Variants in DPYD observed in about 807,000 individuals in gnomAD.
DPYD encodes dihydropyrimidine dehydrogenase [NADP(+)].
A neutral mutation model predicts 116.2 loss-of-function variants in DPYD; 109 were observed. The ratio of observed to expected loss-of-function variants is 0.94; its 90% CI spans 0.80 to 1.10. The LOEUF (loss-of-function observed/expected upper bound fraction) is 1.10, where lower values mean the gene tolerates loss of function less well. Ranked by LOEUF, DPYD falls within the 50% of genes least tolerant of loss-of-function variation. DPYD has a pLI of 0.00. For missense variants in DPYD, 1,302 were observed against 1,254.5 expected, an observed-to-expected ratio of 1.04 and a Z score of -0.57; for synonymous variants, 440 against 432.0, an observed-to-expected ratio of 1.02 and a Z score of -0.23.
At chr1:97,868,256 A>G (rs1316725303) in intron 2 of DPYD, among the ~76,000 whole-genome samples, 2 of 151,766 alleles carry the variant, frequency 1.3e-5, no homozygotes, top group African/African-American at 4.8e-5. Context: ...TCAGAATCTA[A>G]ATGGAGTCAA....
chr1:97,382,415 G>T lies in DPYD; in HGVS notation c.1952C>A (p.Thr651Lys). 1 of 1,597,684 alleles carries T rather than the reference G, an allele frequency of 6.3e-7. No individual in the cohort carries two copies. Among genetic ancestry groups the T allele is most frequent in the Non-Finnish European group, 8.5e-7 (1 of 1,171,580 alleles). Residue 651 changes from threonine to lysine, a missense_variant, in exon 15 of 23, where the codon ACG becomes AAG. Physicochemically the swap from Thr to Lys is moderately conservative, Grantham distance 78. Transcript: ENST00000370192. The part of the protein sequence containing the change: ...IMCSYNKNDW[T>K]ELAKKSEDSG... ...TACCTCAGACTTCTTGGCAAGTTCC[G>T]TCCAGTCATTTTTATTGTAACTGCA...
intron 11 of DPYD, among the ~76,000 whole-genome samples, chr1:97,567,093 T>TA (rs1652571547): frequency 6.6e-6 from 1 of 152,028 alleles, no homozygotes; most frequent in Non-Finnish European, 1.5e-5. Context: ...TTTTGCATCG[T>TA]AAGAATCTTA....
At chr1:97,240,031 C>G (rs1430186129) in intron 18 of DPYD, among the ~76,000 whole-genome samples, 1 of 151,982 alleles carries the variant, frequency 6.6e-6, no homozygotes, top group Non-Finnish European at 1.5e-5. Flanking sequence ...TTTAGTGATG[C>G]AATTAAAACC....
intron 8 of DPYD, among the ~76,000 whole-genome samples, chr1:97,647,587 A>G (rs1027588150): frequency 3.9e-5 from 6 of 152,004 alleles, no homozygotes; most frequent in African/African-American, 1.4e-4. Flanking sequence ...ATAATAAAAT[A>G]ATATTGAGCA....
intron 15 of DPYD, among the ~76,000 whole-genome samples, chr1:97,380,951 G>A (rs1671922091): frequency 6.6e-6 from 1 of 152,090 alleles, no homozygotes; most frequent in Non-Finnish European, 1.5e-5. Flanking sequence ...AAGCTGTGAA[G>A]GCCTGCGGGA....
chr1:97,729,379 C>T (rs1484060863), intron 4 of DPYD, among the ~76,000 whole-genome samples: 1 of 152,056 alleles, frequency 6.6e-6, no homozygotes, highest in East Asian at 1.9e-4. Flanking sequence ...TTATATTATG[C>T]ATTTTTTAAC....
In DPYD at chr1:97,397,362, C is replaced by G. The variant is rs1400024548; in HGVS notation, c.1906-14901G>C. Among the ~76,000 whole-genome samples the G allele has an allele frequency of 2.6e-5, 4 of 152,010 alleles. No homozygotes were observed. The East Asian group carries it at 7.7e-4, about 29-fold the overall frequency. On this transcript the variant is annotated intron_variant, in intron 14 of 22. Coordinates refer to ENST00000370192, the MANE Select transcript of DPYD (RefSeq NM_000110.4). ...ATATGTATATGAACCTATATTGACA[C>G]AGCATCATCATACAAATCCACAGTT...
At chr1:97,545,284 A>G (rs1272780715) in intron 12 of DPYD, among the ~76,000 whole-genome samples, 1 of 152,166 alleles carries the variant, frequency 6.6e-6, no homozygotes, top group Non-Finnish European at 1.5e-5. Flanking sequence ...TAACTTTTTC[A>G]TAAAGTGTCC....
At chr1:97,800,217 GTAGGTGAGCAACAAAT>G (rs1336232356) in intron 3 of DPYD, among the ~76,000 whole-genome samples, 2 of 151,900 alleles carry the variant, frequency 1.3e-5, no homozygotes, top group African/African-American at 4.8e-5. Context: ...TTTGCACATA[GTAGGTGAGCAACAAAT>G]TATAGCTATT....
At chr1:97,320,094 G>T (rs1280627295) in intron 16 of DPYD, among the ~76,000 whole-genome samples, 2 of 131,766 alleles carry the variant, frequency 1.5e-5, no homozygotes, top group African/African-American at 5.6e-5. Context: ...AAAATAATAA[G>T]AGCTATCTAT....
chr1:97,727,677 T>C (rs1322660710), intron 4 of DPYD, among the ~76,000 whole-genome samples: 1 of 151,848 alleles, frequency 6.6e-6, no homozygotes. Flanking sequence ...TTGCAATCTA[T>C]CTATTACAAA....
At chr1:97,453,513 T>C (rs1031520422) in intron 13 of DPYD, among the ~76,000 whole-genome samples, 1 of 152,076 alleles carries the variant, frequency 6.6e-6, no homozygotes, top group Admixed American at 6.6e-5. Context: ...ATCTTCATGG[T>C]TCAGGAATTC....
At chr1:97,693,784 G>A (rs922214951) in intron 6 of DPYD, among the ~76,000 whole-genome samples, 11 of 152,120 alleles carry the variant, frequency 7.2e-5, no homozygotes, top group African/African-American at 9.7e-5. Context: ...TTGTGAAGCC[G>A]AGAACCTTCC....
chr1:97,655,749 C>T (rs1259611459), intron 8 of DPYD, among the ~76,000 whole-genome samples: 1 of 152,132 alleles, frequency 6.6e-6, no homozygotes, highest in African/African-American at 2.4e-5. Flanking sequence ...CCAAGGGAAA[C>T]AAAAACTTTA....
chr1:97,570,989 T>G (rs889997087), intron 11 of DPYD, among the ~76,000 whole-genome samples: 4 of 151,958 alleles, frequency 2.6e-5, no homozygotes, highest in African/African-American at 7.2e-5. Flanking sequence ...TTAAGAGTCA[T>G]TTTTACACAA....
At chr1:97,352,682 C>A (rs1294798053) in intron 16 of DPYD, among the ~76,000 whole-genome samples, 2 of 151,384 alleles carry the variant, frequency 1.3e-5, no homozygotes, top group African/African-American at 4.9e-5. Flanking sequence ...CCCTTCCCTA[C>A]TTTGTGGGAT....
At chr1:97,798,825 G>A (rs1667712561) in intron 3 of DPYD, among the ~76,000 whole-genome samples, 1 of 151,814 alleles carries the variant, frequency 6.6e-6, no homozygotes, top group South Asian at 2.1e-4. Flanking sequence ...CTGTATCACA[G>A]AGCACATATA....
rs1311645627 is a variant in DPYD at position 97,193,218 on chromosome 1, T to G, written c.2473A>C (p.Thr825Pro). Reference protein sequence around the residue: ...VCSAIQNQDFTVIEDYCTGLK... With the variant: ...VCSAIQNQDFPVIEDYCTGLK... Reference sequence around the variant, plus strand: ...CCAGTGCAGTAGTCTTCGATCACAGTGAAATCCTGATTCTGAATGGCACTG... The same window carrying G: ...CCAGTGCAGTAGTCTTCGATCACAGGGAAATCCTGATTCTGAATGGCACTG... The change falls in exon 20 of 23, where the codon ACT becomes CCT. Residue 825 changes from threonine (T) to proline (P), a missense_variant. Transcript: ENST00000370192. 1 of 1,613,710 alleles carries G rather than the reference T, an allele frequency of 6.2e-7. No homozygotes were observed. The highest frequency in any genetic ancestry group is 1.3e-5 in the African/African-American group (1 of 74,936).
At chr1:97,558,342 T>C (rs1292278705) in intron 11 of DPYD, among the ~76,000 whole-genome samples, 2 of 152,192 alleles carry the variant, frequency 1.3e-5, no homozygotes, top group Non-Finnish European at 2.9e-5. Context: ...ATCTAGTATA[T>C]GTTTTTTGGT....
Sources: gnomAD v4.1 joint callset for allele counts (sites outside exome capture counted in the v4.1 genomes callset) on GRCh38, gnomAD v4.1.1 for gene constraint, MANE v1.5 for transcripts, NCBI Gene and HGNC (gene_info 2026-07-23, HGNC 2026-07-21) for gene names.